The following TGM1 variants were observed in gnomAD, a reference collection of about 807,000 sequenced individuals.
The protein encoded by TGM1 is protein-glutamine gamma-glutamyltransferase K.
TGM1 carries 63 observed loss-of-function variants against 88.7 expected under a neutral mutation model. The observed-to-expected ratio is 0.71, with a 90% CI of 0.58 to 0.88. The LOEUF is 0.88. Ranked by LOEUF, TGM1 falls within the 40% of genes least tolerant of loss-of-function variation. TGM1 has a pLI of 0.00. For missense variants in TGM1, 996 were observed against 1,118.0 expected (o/e 0.89, Z 1.56); for synonymous variants, 415 against 431.1 (o/e 0.96, Z 0.46).
At position 24,259,631 on chromosome 14, in the gene TGM1, C is replaced by A; in HGVS notation, c.984+73G>T. 7.8e-7 allele frequency: 1 copy of A among 1,280,376 alleles called. No individual in the cohort carries two copies. The highest frequency in any genetic ancestry group is 1.5e-5 in the African/African-American group (1 of 68,022). 79.3% of individuals were successfully genotyped at this position (1,280,376 alleles called of 1,614,324 possible). On this transcript the variant is annotated intron_variant, in intron 6 of 14. Transcript: ENST00000206765. This position sits in a 1 kb window ranked among gnomAD's most constrained non-coding sequence, Gnocchi z 5.7. Reference sequence around the variant, plus strand: ...GGGTTCTTGAGGAATCCAGAAAGGGCAGGAGGAGGGTGGGGGTGTGGCGAG... The same window carrying A: ...GGGTTCTTGAGGAATCCAGAAAGGGAAGGAGGAGGGTGGGGGTGTGGCGAG...
intron 4 of TGM1, 159 bp downstream of exon 4, chr14:24,260,291 C>A (rs2040797181): frequency 1.6e-6 from 2 of 1,276,590 alleles, no homozygotes; most frequent in African/African-American, 3.0e-5. Flanking sequence ...CCTGGGCTGG[C>A]CACCTTTCTG....
At chr14:24,258,235 G>C in intron 9 of TGM1, 50 bp downstream of exon 9, 1 of 1,476,274 alleles carries the variant, frequency 6.8e-7, no homozygotes, top group Non-Finnish European at 9.5e-7. Context: ...GTGTTAATCA[G>C]GTGGGGGAGA....
chr14:24,258,797 G>C, intron 7 of TGM1, 124 bp from the exon 8 acceptor site: 1 of 1,387,924 alleles, frequency 7.2e-7, no homozygotes, highest in Non-Finnish European at 9.8e-7. Flanking sequence ...GCCAGGGTCA[G>C]GGCCACGGGG....
rs1172413668 is a variant in TGM1, at chr14:24,254,306, C to T, written c.2089-18G>A. ...CCCAGTAACTGAGAGAAAAAGAGGC[C>T]CATCCCCCACGTCAGAGACCCTGGC... On this transcript the variant is annotated intron_variant, in intron 13 of 14. Transcript: ENST00000206765. 1 of 1,613,912 alleles carries T rather than the reference C, an allele frequency of 6.2e-7. No homozygotes were observed. Among genetic ancestry groups the T allele is most frequent in the Non-Finnish European group, 8.5e-7 (1 of 1,179,976 alleles).
At chr14:24,252,459 C>T (rs2256989) in intron 14 of TGM1, among the ~76,000 whole-genome samples, 96,483 of 152,036 alleles carry the variant, frequency 0.63, 30,838 homozygotes, top group Middle Eastern at 0.71. Context: ...TCCCTTAGGA[C>T]GAGGAACCTC....
At position 24,260,469 on chromosome 14, in the gene TGM1, G is replaced by C; in HGVS notation, c.738C>G (p.Leu246=). 1 of 1,614,234 alleles carries C rather than the reference G, an allele frequency of 6.2e-7. No individual in the cohort carries two copies. Among genetic ancestry groups the C allele is most frequent in the African/African-American group, 1.3e-5 (1 of 75,066 alleles). Residue 246 remains leucine, a synonymous_variant, in exon 4 of 15, where the codon CTC becomes CTG. Coordinates refer to ENST00000206765, the MANE Select transcript of TGM1 (RefSeq NM_000359.3). ...PFDPRNEIYI[L]FNPWCPEDIV... ...GCTCACCTGGGCACCAGGGGTTGAA[G>C]AGGATGTAGATCTCATTGCGGGGGT...
chr14:24,260,280 C>A (rs2040797119), intron 4 of TGM1, 170 bp downstream of exon 4: 1 of 1,168,154 alleles, frequency 8.6e-7, no homozygotes, highest in South Asian at 1.3e-5. Context: ...GGCTGTGTGA[C>A]CCTGGGCTGG....
intron 7 of TGM1, 56 bp from the exon 8 acceptor site, chr14:24,258,729 C>T (rs2040779859): frequency 1.9e-6 from 3 of 1,606,918 alleles, no homozygotes; most frequent in East Asian, 2.2e-5. Context: ...AGTGAGGCAT[C>T]GTGTCAGGAG....
Position 24,255,854 on chromosome 14 carries a change from C to T in TGM1, c.1491+135G>A. 4 of 817,040 alleles carry T rather than the reference C, an allele frequency of 4.9e-6. No individual in the cohort carries two copies. In the South Asian group the frequency reaches 5.8e-5, roughly 12 times the overall value. 50.6% of individuals were successfully genotyped at this position (817,040 alleles called of 1,614,324 possible). ...GAAGCAAGGCAGCCTTGATTATCCC[C>T]TTTTACAGGTGAGGAAACTGACTTG... On this transcript the variant is annotated intron_variant, in intron 10 of 14. Transcript: ENST00000206765. This position sits in a 1 kb window ranked among gnomAD's most constrained non-coding sequence, Gnocchi z 4.0.
chr14:24,252,457 G>A (rs2040709188), intron 14 of TGM1, among the ~76,000 whole-genome samples: 1 of 152,168 alleles, frequency 6.6e-6, no homozygotes, highest in African/African-American at 2.4e-5. Context: ...GATCCCTTAG[G>A]ACGAGGAACC....
rs753191096 is a variant in TGM1 at position 24,259,043 on chromosome 14, C to T, written c.1159+32G>A. On this transcript the variant is annotated intron_variant, in intron 7 of 14. Transcript: ENST00000206765. The surrounding 1 kb of genome is among the most constrained non-coding windows in gnomAD (Gnocchi z 5.7). ...CTTTCCTCCCTTCTCCCTGTAGGGC[C>T]CGGGCCACTCCTGTCCCAGTCCCTC... 3.1e-6 allele frequency: 5 copies of T among 1,612,690 alleles called. No individual in the cohort carries two copies. The South Asian group carries it at 5.5e-5, about 18-fold the overall frequency.
In TGM1 at chr14:24,259,716, G is replaced by A. The variant is rs373557209; in HGVS notation, c.972C>T (p.Val324=). 4 of 1,610,988 alleles carry A rather than the reference G, an allele frequency of 2.5e-6. No homozygotes were observed. The African/African-American group carries it at 5.3e-5, about 22-fold the overall frequency. The change falls in exon 6 of 15, where the codon GTC becomes GTT. Residue 324 remains valine, a synonymous_variant. Transcript: ENST00000206765. The surrounding 1 kb of genome is among the most constrained non-coding windows in gnomAD (Gnocchi z 5.7). The part of the protein sequence containing the change: ...GRGDPVNVSR[V]ISAMVNSLDD... The stretch of plus-strand genomic sequence containing the variant: ...TGAGGGTGCTCACCATGGCAGAGAT[G>A]ACCCGGGAGACATTGACTGGGTCTC...
At chr14:24,256,102 C>T in intron 9 of TGM1, 25 bp from the exon 10 acceptor site, 1 of 1,542,852 alleles carries the variant, frequency 6.5e-7, no homozygotes, top group South Asian at 1.2e-5. Context: ...GGGACAGAGG[C>T]AAGAGATCTG....
intron 1 of TGM1, among the ~76,000 whole-genome samples, chr14:24,262,668 C>T (rs1432488623): frequency 6.6e-6 from 1 of 152,232 alleles, no homozygotes; most frequent in Non-Finnish European, 1.5e-5. Flanking sequence ...GGACACTTGT[C>T]CCAGCCTCAA....
chr14:24,260,094 A>G, intron 4 of TGM1, 36 bp from the exon 5 acceptor site: 4 of 1,583,782 alleles, frequency 2.5e-6, no homozygotes, highest in Non-Finnish European at 3.5e-6. Context: ...GGTTCCCTCC[A>G]GTTCTCTCCC....
intron 14 of TGM1, among the ~76,000 whole-genome samples, chr14:24,251,612 T>C (rs534576736): frequency 1.3e-5 from 2 of 152,330 alleles, no homozygotes; most frequent in East Asian, 1.9e-4. Flanking sequence ...CACCAGAACT[T>C]AGACGTCGAA....
chr14:24,250,424 C>T (rs1367465155), intron 14 of TGM1, among the ~76,000 whole-genome samples: 6 of 152,108 alleles, frequency 3.9e-5, no homozygotes, highest in African/African-American at 1.2e-4. Flanking sequence ...TTGTGGCACA[C>T]GATCCTGGCT....
Position 24,258,330 on chromosome 14 carries a change from C to T in TGM1, c.1357G>A (p.Asp453Asn). 6.2e-7 allele frequency: 1 copy of T among 1,614,090 alleles called. No individual in the cohort carries two copies. The highest frequency in any genetic ancestry group is 8.5e-7 in the Non-Finnish European group (1 of 1,180,028). Residue 453 changes from aspartate to asparagine, a missense_variant, in exon 9 of 15, where the codon GAT becomes AAT. Transcript: ENST00000206765. ...GTGGCATCCACCACCTGCCACCCAT[C>T]AAAGCCCGAGGGCAGATCCGGCCTC... ...MKRPDLPSGF[D>N]GWQVVDATPQ...
Position 24,259,925 on chromosome 14 carries a change from C to A in TGM1, c.876+15G>T. The stretch of plus-strand genomic sequence containing the variant: ...CTCCTCTGGGTGTATGTGACCCTGG[C>A]CAGCCGCACCATACCTGGCCGTAGT... On this transcript the variant is annotated intron_variant, in intron 5 of 14. Coordinates refer to ENST00000206765, the MANE Select transcript of TGM1 (RefSeq NM_000359.3). The surrounding 1 kb of genome is among the most constrained non-coding windows in gnomAD (Gnocchi z 5.7). 1 of 1,613,656 alleles carries A rather than the reference C, an allele frequency of 6.2e-7. No individual in the cohort carries two copies. Among genetic ancestry groups the A allele is most frequent in the Non-Finnish European group, 8.5e-7 (1 of 1,179,586 alleles).
Sources: gnomAD v4.1 joint callset for allele counts (sites outside exome capture counted in the v4.1 genomes callset) on GRCh38, gnomAD v4.1.1 for gene constraint, Gnocchi (gnomAD v3.1) non-coding constraint, MANE v1.5 for transcripts, NCBI Gene and HGNC (gene_info 2026-07-23, HGNC 2026-07-21) for gene names.